The following SNTG1 variants were observed in gnomAD, a reference collection of about 807,000 sequenced individuals.
SNTG1 encodes syntrophin gamma 1.
Under a neutral mutation model 74.7 loss-of-function variants are expected in SNTG1, and 39 were observed. That is an observed-to-expected ratio of 0.52 (90% confidence interval 0.40 to 0.68). SNTG1 has a LOEUF of 0.68. SNTG1 is among the 30% of genes least tolerant of loss of function. The pLI, the probability that SNTG1 is intolerant of heterozygous loss-of-function variation, is 0.00. For missense variants in SNTG1, 685 were observed against 609.5 expected (o/e 1.12, Z -1.30); for synonymous variants, 254 against 217.1 (o/e 1.17, Z -1.49).
At chr8:50,170,902 C>T (rs7010037) in intron 1 of SNTG1, among the ~76,000 whole-genome samples, 44,823 of 151,952 alleles carry the variant, frequency 0.29, 6,689 homozygotes, top group South Asian at 0.43. Context: ...AGGGCAGCCT[C>T]CCTCTTCCAA....
intron 12 of SNTG1, among the ~76,000 whole-genome samples, chr8:50,561,166 A>G (rs2094485838): frequency 6.6e-6 from 1 of 152,020 alleles, no homozygotes; most frequent in Non-Finnish European, 1.5e-5. Flanking sequence ...TTCTCATGAA[A>G]GCTGATGGTT....
At chr8:50,358,469 C>G (rs1469010658) in intron 2 of SNTG1, among the ~76,000 whole-genome samples, 2 of 152,150 alleles carry the variant, frequency 1.3e-5, no homozygotes, top group African/African-American at 4.8e-5. Flanking sequence ...GAGAAAATCA[C>G]ATAAAGTGGG....
At chr8:49,983,713 G>C (rs1321742503) in intron 1 of SNTG1, among the ~76,000 whole-genome samples, 1 of 152,212 alleles carries the variant, frequency 6.6e-6, no homozygotes, top group Non-Finnish European at 1.5e-5. Context: ...GGCTGGGATG[G>C]TGCTGTCTAC....
At chr8:50,583,545 C>A (rs2094625953) in intron 12 of SNTG1, among the ~76,000 whole-genome samples, 1 of 152,032 alleles carries the variant, frequency 6.6e-6, no homozygotes, top group Non-Finnish European at 1.5e-5. Context: ...CGATAGTCAT[C>A]CTGAGGAAGG....
At chr8:50,379,335 T>C (rs2092442567) in intron 2 of SNTG1, among the ~76,000 whole-genome samples, 1 of 152,084 alleles carries the variant, frequency 6.6e-6, no homozygotes, top group Non-Finnish European at 1.5e-5. Context: ...GGGGGGGCCT[T>C]CATGGGCCCC....
chr8:50,613,636 A>T (rs2094866323), intron 13 of SNTG1, among the ~76,000 whole-genome samples: 1 of 152,182 alleles, frequency 6.6e-6, no homozygotes, highest in Non-Finnish European at 1.5e-5. Flanking sequence ...TATTCAAAAT[A>T]CACATACATG....
chr8:50,539,935 A>C (rs943657266), intron 11 of SNTG1, among the ~76,000 whole-genome samples: 14 of 152,166 alleles, frequency 9.2e-5, no homozygotes, highest in African/African-American at 2.9e-4. Context: ...TGGAGGCTTT[A>C]CGTTTTTAAA....
At chr8:50,692,648 C>G (rs10958040) in intron 15 of SNTG1, among the ~76,000 whole-genome samples, 67 of 152,118 alleles carry the variant, frequency 4.4e-4, no homozygotes, top group African/African-American at 1.6e-3. Context: ...TGTGAGGTAT[C>G]GGTCCAACCC....
In SNTG1 at chr8:50,449,741, A is replaced by G; in HGVS notation, c.277+16A>G. ...GAACAAAGAGGTAATATGTTTAGAGAATTGTGTACCAGCCATTTCTTTAAG... is the reference window on the plus strand; with the variant it reads ...GAACAAAGAGGTAATATGTTTAGAGGATTGTGTACCAGCCATTTCTTTAAG... On this transcript the variant is annotated intron_variant, in intron 6 of 18. Transcript: ENST00000642720. The G allele has an allele frequency of 6.4e-7, 1 of 1,562,522 alleles. No homozygotes were observed. The highest frequency in any genetic ancestry group is 8.7e-7 in the Non-Finnish European group (1 of 1,151,350).
chr8:50,059,768 C>G (rs916765378), intron 1 of SNTG1, among the ~76,000 whole-genome samples: 1 of 151,906 alleles, frequency 6.6e-6, no homozygotes, highest in Non-Finnish European at 1.5e-5. Context: ...TTAACTATAC[C>G]TTTTGGGTAT....
At chr8:50,269,832 G>A (rs1358337525) in intron 2 of SNTG1, among the ~76,000 whole-genome samples, 2 of 152,026 alleles carry the variant, frequency 1.3e-5, no homozygotes, top group African/African-American at 4.8e-5. Context: ...CAGTATGTGG[G>A]GAGTTACATA....
intron 17 of SNTG1, among the ~76,000 whole-genome samples, chr8:50,725,789 T>C (rs1585646197): frequency 1.3e-5 from 2 of 152,302 alleles, no homozygotes; most frequent in South Asian, 4.1e-4. Flanking sequence ...TATCAGCAAG[T>C]ACCATGTCTA....
chr8:50,186,277 T>TATTTTGTAAATAGCAAAATACAATTTA (rs2083381363), intron 2 of SNTG1, among the ~76,000 whole-genome samples: 3 of 152,188 alleles, frequency 2.0e-5, no homozygotes, highest in African/African-American at 7.2e-5. Flanking sequence ...AGGCTCCATG[T>TATTTTGTAAATAGCAAAATACAATTTA]CTTTGCTATT....
intron 2 of SNTG1, among the ~76,000 whole-genome samples, chr8:50,334,845 T>C (rs976945524): frequency 5.3e-5 from 8 of 152,202 alleles, no homozygotes; most frequent in African/African-American, 1.9e-4. Context: ...TTCTAACCTC[T>C]AAATCTTCGA....
chr8:50,330,004 A>G lies in SNTG1; in HGVS notation c.-27-64208A>G, dbSNP rs79128446. Among the ~76,000 whole-genome samples the G allele has an allele frequency of 7.2e-5, 11 of 152,322 alleles. No homozygotes were observed. In the East Asian group the frequency reaches 2.1e-3, roughly 29 times the overall value. On this transcript the variant is annotated intron_variant, in intron 2 of 18. Coordinates refer to ENST00000642720, the MANE Select transcript of SNTG1 (RefSeq NM_018967.5). Reference sequence around the variant, plus strand: ...AGAGTGACATTTGCTCCAGTTCCCAAGAAGTTCCGCGTATCCATTTGAGAC... The same window carrying G: ...AGAGTGACATTTGCTCCAGTTCCCAGGAAGTTCCGCGTATCCATTTGAGAC...
intron 15 of SNTG1, among the ~76,000 whole-genome samples, chr8:50,689,891 G>C (rs140945165): frequency 5.6e-4 from 85 of 152,252 alleles, no homozygotes; most frequent in African/African-American, 1.9e-3. Context: ...ACATTTTTTG[G>C]TTGGTAAGCT....
At chr8:49,983,528 A>G (rs1238490256) in intron 1 of SNTG1, among the ~76,000 whole-genome samples, 2 of 152,194 alleles carry the variant, frequency 1.3e-5, no homozygotes, top group African/African-American at 4.8e-5. Context: ...ATTATTGAGA[A>G]ATTTATGAGA....
chr8:50,775,761 A>G (rs1051132904), intron 18 of SNTG1, among the ~76,000 whole-genome samples: 8 of 151,658 alleles, frequency 5.3e-5, no homozygotes, highest in Non-Finnish European at 1.0e-4. Context: ...TTTCAATTCT[A>G]TCAGTTTCTG....
chr8:50,426,156 T>C (rs1188041429), intron 4 of SNTG1, among the ~76,000 whole-genome samples: 1 of 152,060 alleles, frequency 6.6e-6, no homozygotes, highest in Non-Finnish European at 1.5e-5. Context: ...AAGTCCATAG[T>C]GTATTTAGAT....
Sources: allele counts gnomAD v4.1 joint callset (sites outside exome capture counted in the v4.1 genomes callset), GRCh38; gene constraint gnomAD v4.1.1; transcripts MANE v1.5; gene names NCBI Gene and HGNC (gene_info 2026-07-23, HGNC 2026-07-21).